Variants in WFS1 observed in about 807,000 individuals in gnomAD.
WFS1 encodes wolframin.
WFS1 carries 90 observed loss-of-function variants against 68.5 expected under a neutral mutation model. The ratio of observed to expected loss-of-function variants is 1.31; its 90% confidence interval spans 1.11 to 1.56. The LOEUF is 1.56. WFS1 is among the 40% of genes most tolerant of loss of function. The pLI, the probability that WFS1 is intolerant of heterozygous loss-of-function variation, is 0.00. For missense variants in WFS1, 1,767 were observed against 1,232.6 expected (o/e 1.43, Z -6.49); for synonymous variants, 860 against 540.7 (o/e 1.59, Z -8.19).
intron 7 of WFS1, among the ~76,000 whole-genome samples, chr4:6,295,785 C>G (rs577205874): frequency 1.3e-5 from 2 of 152,322 alleles, no homozygotes; most frequent in African/African-American, 2.4e-5. Context: ...AGCGGGAAGC[C>G]CAGCAGTGCG....
chr4:6,279,230 A>G (rs1730084750), intron 2 of WFS1, among the ~76,000 whole-genome samples: 1 of 152,200 alleles, frequency 6.6e-6, no homozygotes, highest in Admixed American at 6.5e-5. Context: ...TCCCCCATCC[A>G]GCCAACATAG....
chr4:6,288,199 A>G (rs574959684), intron 3 of WFS1, among the ~76,000 whole-genome samples: 193 of 147,426 alleles, frequency 1.3e-3, no homozygotes, highest in African/African-American at 4.6e-3. Flanking sequence ...ACTGAGCAAC[A>G]GAGCAAGACT....
At chr4:6,280,596 G>C (rs1730133274) in intron 2 of WFS1, among the ~76,000 whole-genome samples, 2 of 152,206 alleles carry the variant, frequency 1.3e-5, no homozygotes, top group South Asian at 4.1e-4. Flanking sequence ...CAGATGCACA[G>C]AGGGACAGGC....
Position 6,300,760 on chromosome 4 carries a change from A to G in WFS1, c.965A>G (p.His322Arg), listed in dbSNP as rs1466217593. The G allele has an allele frequency of 1.9e-6, 3 of 1,613,556 alleles. No homozygotes were observed. Among genetic ancestry groups the G allele is most frequent in the Non-Finnish European group, 2.5e-6 (3 of 1,179,712 alleles). The change falls in exon 8 of 8, where the codon CAC (histidine) becomes CGC (arginine). Residue 322 changes from histidine to arginine, a missense_variant. His to Arg is a conservative substitution (Grantham distance 29). Coordinates refer to ENST00000226760, the MANE Select transcript of WFS1 (RefSeq NM_006005.3). ...TGGCTGTCCACCATCATCCCCACGC[A>G]CCACATCAACGCGCTCATCTTCTTC... ...MHWLSTIIPT[H>R]HINALIFFFI...
chr4:6,294,043 C>T lies in WFS1; in HGVS notation c.713-998C>T, dbSNP rs533522291. Among the ~76,000 whole-genome samples the T allele has an allele frequency of 2.0e-5, 3 of 152,344 alleles. No homozygotes were observed. In the East Asian group the frequency reaches 5.8e-4, roughly 29 times the overall value. On this transcript the variant is annotated intron_variant, in intron 6 of 7. Transcript: ENST00000226760. ...GCTACACCTGGGTGCTGCCCCGACT[C>T]CTCTCCTCTTGCACACACAGCTGAT...
At chr4:6,292,047 G>A (rs771157130) in intron 6 of WFS1, 50 bp downstream of exon 6, 1 of 1,527,278 alleles carries the variant, frequency 6.5e-7, no homozygotes. Flanking sequence ...GCCTGCACCT[G>A]CAGGGCGACC....
intron 2 of WFS1, among the ~76,000 whole-genome samples, chr4:6,286,873 G>C (rs1730324579): frequency 6.6e-6 from 1 of 152,202 alleles, no homozygotes; most frequent in Non-Finnish European, 1.5e-5. Flanking sequence ...CCCGCATAGA[G>C]TTTGCTCATC....
chr4:6,288,691 C>T (rs1188657985), intron 3 of WFS1: 2 of 459,394 alleles, frequency 4.4e-6, no homozygotes, highest in African/African-American at 2.0e-5. Context: ...GATGGTGAGC[C>T]TTGGCAGGCA....
rs1064797305 is a variant in WFS1, at chr4:6,301,305, C to A, written c.1510C>A (p.Pro504Thr). Residue 504 changes from proline (P) to threonine (T), a missense_variant, in exon 8 of 8, where the codon CCG becomes ACG. Pro to Thr is a conservative substitution (Grantham distance 38, BLOSUM62 -1). Coordinates refer to ENST00000226760, the MANE Select transcript of WFS1 (RefSeq NM_006005.3). ...CCTGGTCGTCCTCAACGTCAGCGTC[C>A]CGTGCCTGCTCTATGTCTACCTGCT... ...GHLVVLNVSV[P>T]CLLYVYLLYL... 6.2e-7 allele frequency: 1 copy of A among 1,611,318 alleles called. No homozygotes were observed. The highest frequency in any genetic ancestry group is 1.3e-5 in the African/African-American group (1 of 74,952).
chr4:6,280,111 C>T (rs1730115939), intron 2 of WFS1, among the ~76,000 whole-genome samples: 1 of 152,222 alleles, frequency 6.6e-6, no homozygotes, highest in South Asian at 2.1e-4. Context: ...AAGGAGACTG[C>T]AGGGAGTTGT....
chr4:6,271,841 C>T (rs187493135), intron 1 of WFS1, among the ~76,000 whole-genome samples: 6 of 152,312 alleles, frequency 3.9e-5, no homozygotes, highest in African/African-American at 1.4e-4. Context: ...GCCTCCCGAG[C>T]CAGGAGCCGG....
rs1326333642 is a variant in WFS1 at position 6,287,967 on chromosome 4, A to G, written c.315+792A>G. On this transcript the variant is annotated intron_variant, in intron 3 of 7. Transcript: ENST00000226760. This position sits in a 1 kb window ranked among gnomAD's most constrained non-coding sequence, Gnocchi z 6.4. ...AGCGGTGGCTCACGCCTGTAATCCCAGCACTTTGGGAGGCTGAGGCGGGTG... is the reference window on the plus strand; with the variant it reads ...AGCGGTGGCTCACGCCTGTAATCCCGGCACTTTGGGAGGCTGAGGCGGGTG... 6.6e-6 allele frequency among the ~76,000 whole-genome samples: 1 copy of G among 152,232 alleles called. No individual in the cohort carries two copies. The highest frequency in any genetic ancestry group is 1.5e-5 in the Non-Finnish European group (1 of 68,034).
rs1197839817 is a variant in WFS1, at chr4:6,302,789, C to T, written c.*321C>T. The T allele has an allele frequency of 4.4e-6, 2 of 455,140 alleles. No homozygotes were observed. The highest frequency in any genetic ancestry group is 7.9e-6 in the Non-Finnish European group (2 of 254,130). 28.2% of individuals were successfully genotyped at this position (455,140 alleles called of 1,614,324 possible). On this transcript the variant is annotated 3_prime_UTR_variant, in exon 8 of 8. Transcript: ENST00000226760. ...GGAAAAGCACTTTACAGATGAGATT[C>T]CCTCTCCTCCCCCACCTTCAAGCAC... is the stretch of plus-strand genomic sequence containing the variant.
chr4:6,298,431 G>A (rs1052367574), intron 7 of WFS1, among the ~76,000 whole-genome samples: 3 of 151,996 alleles, frequency 2.0e-5, no homozygotes, highest in African/African-American at 7.2e-5. Flanking sequence ...TCATGTAGAA[G>A]GTTGTTGACC....
Position 6,275,119 on chromosome 4 carries a change from T to A in WFS1, c.-5-2332T>A, listed in dbSNP as rs1404422839. ...CTTCCAGGGCCATACGAGAAACTCA[T>A]GAGAAAAGACAAGTACAGAGAACAG... is the stretch of plus-strand genomic sequence containing the variant. On this transcript the variant is annotated intron_variant, in intron 1 of 7. Transcript: ENST00000226760. 2.0e-5 allele frequency among the ~76,000 whole-genome samples: 3 copies of A among 152,248 alleles called. No individual in the cohort carries two copies. The East Asian group carries it at 5.8e-4, about 29-fold the overall frequency.
At chr4:6,282,952 T>C (rs1033393443) in intron 2 of WFS1, among the ~76,000 whole-genome samples, 4 of 152,234 alleles carry the variant, frequency 2.6e-5, no homozygotes, top group Non-Finnish European at 1.5e-5. Context: ...CCCTGTGTAC[T>C]GTCCAGCGTC....
chr4:6,291,665 C>T (rs950028088), intron 5 of WFS1, among the ~76,000 whole-genome samples: 3 of 152,334 alleles, frequency 2.0e-5, no homozygotes, highest in Middle Eastern at 3.4e-3. Flanking sequence ...TCTGTGACCA[C>T]GTCTACCAAT....
chr4:6,285,835 C>T (rs781493347), intron 2 of WFS1, among the ~76,000 whole-genome samples: 2 of 152,210 alleles, frequency 1.3e-5, no homozygotes, highest in Non-Finnish European at 2.9e-5. Flanking sequence ...TACTGGGAAC[C>T]ATGCAGCCTG....
At chr4:6,272,133 T>C (rs1324680396) in intron 1 of WFS1, among the ~76,000 whole-genome samples, 1 of 152,232 alleles carries the variant, frequency 6.6e-6, no homozygotes, top group Admixed American at 6.5e-5. Context: ...CCCCCTTCTG[T>C]GCCGTCTTTG....
Sources: allele counts gnomAD v4.1 joint callset (sites outside exome capture counted in the v4.1 genomes callset), GRCh38; gene constraint gnomAD v4.1.1; non-coding constraint Gnocchi (gnomAD v3.1); transcripts MANE v1.5; gene names NCBI Gene and HGNC (gene_info 2026-07-23, HGNC 2026-07-21).